NELL1: variants seen among roughly 807,000 people sequenced by gnomAD.
NELL1 encodes the protein protein kinase C-binding protein NELL1.
NELL1 carries 76 observed loss-of-function variants against 107.4 expected under a neutral mutation model. That is an observed-to-expected ratio of 0.71 (90% confidence interval 0.59 to 0.86). The LOEUF (loss-of-function observed/expected upper bound fraction) is 0.86. Ranked by LOEUF, NELL1 falls within the 40% of genes least tolerant of loss-of-function variation. NELL1 has a pLI of 0.00. For synonymous variants in NELL1, 353 were observed against 341.2 expected (o/e 1.03, Z -0.38); for missense variants, 1,024 against 1,005.5 (o/e 1.02, Z -0.25).
At chr11:20,737,060 C>T (rs1855778784) in intron 2 of NELL1, among the ~76,000 whole-genome samples, 1 of 152,020 alleles carries the variant, frequency 6.6e-6, no homozygotes, top group East Asian at 1.9e-4. Flanking sequence ...CCCCCCTTTC[C>T]TCTTTTCTAT....
chr11:21,395,834 C>T (rs4536207), intron 15 of NELL1, among the ~76,000 whole-genome samples: 103,040 of 151,016 alleles, frequency 0.68, 35,471 homozygotes, highest in South Asian at 0.79. Context: ...CTGAAAAAAA[C>T]AACAAAAAAG....
chr11:20,894,088 C>T (rs958114352), intron 5 of NELL1, among the ~76,000 whole-genome samples: 12 of 152,156 alleles, frequency 7.9e-5, no homozygotes, highest in Admixed American at 6.5e-5. Context: ...ATGGGGAAAG[C>T]ACTAATCCTG....
At chr11:21,021,644 C>T (rs1457688572) in intron 12 of NELL1, among the ~76,000 whole-genome samples, 2 of 151,658 alleles carry the variant, frequency 1.3e-5, no homozygotes. Flanking sequence ...GGTACTTGGC[C>T]TCTTGTTTTC....
In NELL1 at chr11:20,937,825, A is replaced by T. The variant is rs745848313; in HGVS notation, c.1037A>T (p.Gln346Leu). 1 of 1,614,102 alleles carries T rather than the reference A, an allele frequency of 6.2e-7. No individual in the cohort carries two copies. Among genetic ancestry groups the T allele is most frequent in the Admixed American group, 1.7e-5 (1 of 60,020 alleles). Residue 346 changes from glutamine (Q) to leucine (L), a missense_variant, in exon 10 of 20, where the codon CAG (glutamine) becomes CTG (leucine). Transcript: ENST00000357134. ...GGAGGAAAAGTTCTTGCAGAAGGCC[A>T]GCGGATTTTAACCAAGAGCTGTCGG... is the stretch of plus-strand genomic sequence containing the variant. ...IYGGKVLAEG[Q>L]RILTKSCREC...
At chr11:21,134,202 A>T (rs1222131676) in intron 13 of NELL1, among the ~76,000 whole-genome samples, 14 of 152,198 alleles carry the variant, frequency 9.2e-5, no homozygotes, top group Admixed American at 9.2e-4. Flanking sequence ...TATGATTCTA[A>T]GTGGTGTGAA....
chr11:21,264,071 G>GGTGTGTGTGTGTGT (rs10525326), intron 14 of NELL1, among the ~76,000 whole-genome samples: 7,613 of 139,428 alleles, frequency 0.055, 231 homozygotes, highest in Middle Eastern at 0.077. Flanking sequence ...TCTACAATGG[G>GGTGTGTGTGTGTGT]GTGTGTGTGT....
At chr11:21,095,706 G>A in intron 12 of NELL1, among the ~76,000 whole-genome samples, 1 of 152,208 alleles carries the variant, frequency 6.6e-6, no homozygotes, top group Non-Finnish European at 1.5e-5. Flanking sequence ...CACCTCCTGG[G>A]TTCAAGTGAT....
At chr11:21,519,494 G>A (rs190591920) in intron 15 of NELL1, among the ~76,000 whole-genome samples, 1 of 151,956 alleles carries the variant, frequency 6.6e-6, no homozygotes, top group Non-Finnish European at 1.5e-5. Context: ...CCTTGGGCTA[G>A]GAGATAGGCT....
chr11:20,910,081 G>A (rs890593047), intron 5 of NELL1, among the ~76,000 whole-genome samples: 1 of 152,144 alleles, frequency 6.6e-6, no homozygotes, highest in Non-Finnish European at 1.5e-5. Flanking sequence ...GCTGGCTGGT[G>A]GAGTTGGCCA....
chr11:21,226,305 A>T (rs1361389420), intron 13 of NELL1, among the ~76,000 whole-genome samples: 1 of 152,188 alleles, frequency 6.6e-6, no homozygotes, highest in Non-Finnish European at 1.5e-5. Flanking sequence ...ACAGGAAGAC[A>T]GTTCGTTGTT....
At chr11:21,138,153 T>C (rs1039400483) in intron 13 of NELL1, among the ~76,000 whole-genome samples, 2 of 152,156 alleles carry the variant, frequency 1.3e-5, no homozygotes, top group African/African-American at 4.8e-5. Context: ...CCCTCGGTGC[T>C]CTTGGGGAAA....
At chr11:21,507,071 G>A (rs1371224306) in intron 15 of NELL1, among the ~76,000 whole-genome samples, 1 of 152,176 alleles carries the variant, frequency 6.6e-6, no homozygotes, top group East Asian at 1.9e-4. Context: ...GAGGCTCAGA[G>A]TAAAACAAGT....
At chr11:20,779,973 T>C (rs1318469550) in intron 2 of NELL1, among the ~76,000 whole-genome samples, 2 of 152,226 alleles carry the variant, frequency 1.3e-5, no homozygotes, top group Non-Finnish European at 2.9e-5. Context: ...CTGCATATTG[T>C]AAGAAATAGA....
chr11:21,296,689 T>G (rs1284145574), intron 14 of NELL1, among the ~76,000 whole-genome samples: 1 of 151,880 alleles, frequency 6.6e-6, no homozygotes, highest in Non-Finnish European at 1.5e-5. Context: ...AAATACAGAT[T>G]CAAAAAGTGC....
At chr11:21,101,162 A>G (rs1356877695) in intron 12 of NELL1, among the ~76,000 whole-genome samples, 1 of 152,192 alleles carries the variant, frequency 6.6e-6, no homozygotes, top group African/African-American at 2.4e-5. Context: ...TACAAAGGAC[A>G]TGAACTCGTC....
intron 13 of NELL1, among the ~76,000 whole-genome samples, chr11:21,217,015 G>A (rs1276633351): frequency 6.6e-6 from 1 of 152,106 alleles, no homozygotes; most frequent in Non-Finnish European, 1.5e-5. Context: ...TTGTAGGAGG[G>A]ACCCAGTGGG....
At chr11:20,718,177 G>C (rs531271684) in intron 2 of NELL1, among the ~76,000 whole-genome samples, 1 of 152,254 alleles carries the variant, frequency 6.6e-6, no homozygotes, top group South Asian at 2.1e-4. Context: ...TTATCCAATA[G>C]AACTTTCTGT....
At chr11:20,868,662 A>G (rs918726982) in intron 4 of NELL1, among the ~76,000 whole-genome samples, 14 of 152,212 alleles carry the variant, frequency 9.2e-5, no homozygotes, top group Admixed American at 6.5e-4. Flanking sequence ...TTATATTTCA[A>G]TAAAGCTATT....
intron 2 of NELL1, among the ~76,000 whole-genome samples, chr11:20,737,178 G>A (rs574327138): frequency 2.0e-5 from 3 of 151,884 alleles, no homozygotes; most frequent in African/African-American, 7.2e-5. Context: ...GCTCACATAG[G>A]CTCTGGAGTC....
Sources: allele counts gnomAD v4.1 joint callset (sites outside exome capture counted in the v4.1 genomes callset), GRCh38; gene constraint gnomAD v4.1.1; transcripts MANE v1.5; gene names NCBI Gene and HGNC (gene_info 2026-07-23, HGNC 2026-07-21).